The following SRGAP1 variants were observed in gnomAD, a reference collection of about 807,000 sequenced individuals.
SRGAP1 encodes the protein SLIT-ROBO Rho GTPase-activating protein 1.
In SRGAP1, 43 loss-of-function variants were observed where a neutral mutation model predicts 121.9. The observed-to-expected ratio is 0.35, with a 90% CI of 0.28 to 0.46. SRGAP1 has a LOEUF of 0.46. Ranked by LOEUF, SRGAP1 falls within the 20% of genes least tolerant of loss-of-function variation. The probability of loss-of-function intolerance (pLI) is 1.00; values close to 1 mark genes in which losing one functional copy is unlikely to be tolerated. For missense variants in SRGAP1, 1,102 were observed against 1,350.9 expected (o/e 0.82, Z 2.89); for synonymous variants, 447 against 485.4 (o/e 0.92, Z 1.04).
At chr12:64,015,763 AT>A (rs1051455565) in intron 3 of SRGAP1, among the ~76,000 whole-genome samples, 49 of 152,300 alleles carry the variant, frequency 3.2e-4, no homozygotes, top group African/African-American at 1.1e-3. Flanking sequence ...TGATTAAGAT[AT>A]GGCCCTTATC....
At chr12:64,078,215 A>G (rs1162623915) in intron 8 of SRGAP1, among the ~76,000 whole-genome samples, 1 of 152,234 alleles carries the variant, frequency 6.6e-6, no homozygotes, top group Non-Finnish European at 1.5e-5. Flanking sequence ...TATATGTGTG[A>G]CTAAACAAAA....
intron 8 of SRGAP1, among the ~76,000 whole-genome samples, chr12:64,077,384 C>A (rs536157287): frequency 2.6e-5 from 4 of 151,488 alleles, no homozygotes; most frequent in Non-Finnish European, 1.5e-5. Context: ...TATAAGCACT[C>A]GACATCAAAG....
chr12:64,097,537 C>A, intron 15 of SRGAP1, 162 bp downstream of exon 15: 1 of 773,284 alleles, frequency 1.3e-6, no homozygotes, highest in Non-Finnish European at 1.9e-6. Context: ...TGCGAGTCAT[C>A]CTCCCAGCTG....
rs1332902164 is a variant in SRGAP1, at chr12:63,913,425, G to A, written c.67+68542G>A. 2.8e-5 allele frequency among the ~76,000 whole-genome samples: 4 copies of A among 140,580 alleles called. No individual in the cohort carries two copies. In the South Asian group the frequency reaches 9.4e-4, roughly 33 times the overall value. The allele number at this position is 140,580 out of a possible 152,430, so 92.2% of individuals were successfully genotyped here. On this transcript the variant is annotated intron_variant, in intron 1 of 21. Coordinates refer to ENST00000355086, the MANE Select transcript of SRGAP1 (RefSeq NM_020762.4). ...TCCCACCTTGGCCTCCCAAGGTGCTGGGATTATAGGCATGTGTCACTGTGT... is the reference window on the plus strand; with the variant it reads ...TCCCACCTTGGCCTCCCAAGGTGCTAGGATTATAGGCATGTGTCACTGTGT...
At chr12:63,951,474 A>G (rs1020217767) in intron 1 of SRGAP1, among the ~76,000 whole-genome samples, 4 of 152,010 alleles carry the variant, frequency 2.6e-5, no homozygotes, top group African/African-American at 9.7e-5. Flanking sequence ...TTCATTTAGA[A>G]CTATTTTAAC....
At chr12:64,009,615 A>G (rs1421127166) in intron 3 of SRGAP1, among the ~76,000 whole-genome samples, 1 of 152,146 alleles carries the variant, frequency 6.6e-6, no homozygotes, top group South Asian at 2.1e-4. Context: ...CAGCAATTAC[A>G]TCAGTAATTG....
At chr12:64,124,310 T>C (rs2036653775) in intron 18 of SRGAP1, among the ~76,000 whole-genome samples, 1 of 151,750 alleles carries the variant, frequency 6.6e-6, no homozygotes, top group South Asian at 2.1e-4. Flanking sequence ...TGCAGTAAAC[T>C]TTTGGAAGAA....
chr12:64,150,812 A>G lies in SRGAP1; in HGVS notation c.*8140A>G, dbSNP rs541409616. ...TAGCCAGACATAGTAGTACATGCCTATAGTACTAGGTACTTGGGAGGCTGA... is the reference window on the plus strand; with the variant it reads ...TAGCCAGACATAGTAGTACATGCCTGTAGTACTAGGTACTTGGGAGGCTGA... On this transcript the variant is annotated 3_prime_UTR_variant, in exon 22 of 22. Coordinates refer to ENST00000355086, the MANE Select transcript of SRGAP1 (RefSeq NM_020762.4). 2.9e-4 allele frequency: 44 copies of G among 151,328 alleles called. No individual in the cohort carries two copies. The highest frequency in any genetic ancestry group is 5.2e-4 in the Non-Finnish European group (35 of 67,808). 9.4% of individuals were successfully genotyped at this position (151,328 alleles called of 1,614,324 possible).
At chr12:64,082,452 CTT>C (rs371020186) in intron 10 of SRGAP1, among the ~76,000 whole-genome samples, 20 of 139,268 alleles carry the variant, frequency 1.4e-4, no homozygotes, top group Admixed American at 1.4e-4. Context: ...CCAGAATTTT[CTT>C]TTTTTTTTTT....
intron 10 of SRGAP1, chr12:64,081,904 G>T (rs1296169850): frequency 7.5e-6 from 1 of 134,152 alleles, no homozygotes; most frequent in African/African-American, 2.8e-5. Context: ...CTGTAGGTTT[G>T]AACTTTAAAA....
intron 4 of SRGAP1, among the ~76,000 whole-genome samples, chr12:64,037,543 T>C (rs1437222504): frequency 6.6e-6 from 1 of 152,230 alleles, no homozygotes; most frequent in Non-Finnish European, 1.5e-5. Context: ...ATGCCCTTCT[T>C]AGTGGGGGTT....
intron 1 of SRGAP1, among the ~76,000 whole-genome samples, chr12:63,950,429 T>C (rs2032249193): frequency 2.0e-5 from 3 of 152,306 alleles, no homozygotes; most frequent in East Asian, 3.9e-4. Context: ...AAGCTTTTTG[T>C]GCTTTTTGTA....
rs1009804783 is a variant in SRGAP1 at position 64,145,843 on chromosome 12, T to C, written c.*3171T>C. On this transcript the variant is annotated 3_prime_UTR_variant, in exon 22 of 22. Transcript: ENST00000355086. ...GAAGGATAATGAGGCCTTGAGGTGT[T>C]CTGCCCCCAATTTCAAGGAGCTTAT... is the stretch of plus-strand genomic sequence containing the variant. The C allele has an allele frequency of 2.6e-5, 4 of 152,156 alleles. No individual in the cohort carries two copies. The highest frequency in any genetic ancestry group is 9.7e-5 in the African/African-American group (4 of 41,426). 9.4% of individuals were successfully genotyped at this position (152,156 alleles called of 1,614,324 possible). A position where few individuals can be genotyped will look rare whatever the true frequency, so the allele number is the denominator to read the frequency against.
intron 1 of SRGAP1, among the ~76,000 whole-genome samples, chr12:63,947,710 G>A: frequency 6.6e-6 from 1 of 152,154 alleles, no homozygotes; most frequent in Non-Finnish European, 1.5e-5. Context: ...AAATCAGGTA[G>A]TATATAAATC....
Position 64,142,698 on chromosome 12 carries a change from G to A in SRGAP1, c.*26G>A. The A allele has an allele frequency of 6.4e-7, 1 of 1,573,510 alleles. No individual in the cohort carries two copies. Among genetic ancestry groups the A allele is most frequent in the Non-Finnish European group, 8.6e-7 (1 of 1,158,750 alleles). On this transcript the variant is annotated 3_prime_UTR_variant, in exon 22 of 22. Coordinates refer to ENST00000355086, the MANE Select transcript of SRGAP1 (RefSeq NM_020762.4). ...AAACCAGCCAAGCAAGGCCATAAAGGGAGGTGACTTAAAAAAGAAAATGGA... is the reference window on the plus strand; with the variant it reads ...AAACCAGCCAAGCAAGGCCATAAAGAGAGGTGACTTAAAAAAGAAAATGGA...
Position 64,001,221 on chromosome 12 carries a change from T to G in SRGAP1, c.426+11149T>G, listed in dbSNP as rs145081503. On this transcript the variant is annotated intron_variant, in intron 3 of 21. Transcript: ENST00000355086. ...ATGGAGCAAAACCTGCAAGGACAAT[T>G]GAAGGAAAGTTACAACTCCAAAATT... Among the ~76,000 whole-genome samples the G allele has an allele frequency of 3.3e-5, 5 of 152,290 alleles. No individual in the cohort carries two copies. In the East Asian group the frequency reaches 9.6e-4, roughly 29 times the overall value.
chr12:63,986,064 TCTCTTCTCTC>T (rs912819652), intron 2 of SRGAP1, among the ~76,000 whole-genome samples: 32 of 152,216 alleles, frequency 2.1e-4, no homozygotes, highest in African/African-American at 7.5e-4. Context: ...TCTCTTCCTT[TCTCTTCTCTC>T]CTCTTCTCTC....
At chr12:64,054,011 C>G (rs2035289861) in intron 6 of SRGAP1, among the ~76,000 whole-genome samples, 1 of 152,140 alleles carries the variant, frequency 6.6e-6, no homozygotes, top group Non-Finnish European at 1.5e-5. Context: ...ATAATGTAGC[C>G]TCTTCCAGTT....
At chr12:64,071,507 C>T (rs1485398973) in intron 8 of SRGAP1, among the ~76,000 whole-genome samples, 1 of 152,200 alleles carries the variant, frequency 6.6e-6, no homozygotes, top group African/African-American at 2.4e-5. Flanking sequence ...CAAGTTGCTT[C>T]CACCGTAGGT....
Sources: allele counts gnomAD v4.1 joint callset (sites outside exome capture counted in the v4.1 genomes callset), GRCh38; gene constraint gnomAD v4.1.1; transcripts MANE v1.5; gene names NCBI Gene and HGNC (gene_info 2026-07-23, HGNC 2026-07-21).